POU2F1: variants seen among roughly 807,000 people sequenced by gnomAD.
The protein encoded by POU2F1 is POU domain, class 2, transcription factor 1.
POU2F1 carries 16 observed loss-of-function variants against 84.9 expected under a neutral mutation model. The ratio of observed to expected loss-of-function variants is 0.19; its 90% CI spans 0.13 to 0.29. The LOEUF is 0.29. POU2F1 is among the 10% of genes least tolerant of loss of function. POU2F1 has a pLI of 1.00. For synonymous variants in POU2F1, 368 were observed against 368.3 expected, an observed-to-expected ratio of 1.00 and a Z score of 0.01; for missense variants, 738 against 942.6, an observed-to-expected ratio of 0.78 and a Z score of 2.84.
At chr1:167,391,559 CTT>C (rs1175783404) in intron 9 of POU2F1, among the ~76,000 whole-genome samples, 698 of 57,784 alleles carry the variant, frequency 0.012, 2 homozygotes, top group African/African-American at 0.047. Context: ...TTATATATAT[CTT>C]TTTTTTTTTT....
intron 7 of POU2F1, among the ~76,000 whole-genome samples, chr1:167,382,763 G>A (rs1044550067): frequency 1.3e-5 from 2 of 151,856 alleles, no homozygotes; most frequent in African/African-American, 2.4e-5. Context: ...CAAAAGTCAG[G>A]GTTCTTTAGA....
intron 10 of POU2F1, 52 bp downstream of exon 10, chr1:167,396,479 G>A (rs139358305): frequency 8.1e-5 from 126 of 1,555,696 alleles, no homozygotes; most frequent in Non-Finnish European, 9.4e-5. Context: ...TTTTACATGG[G>A]GATTGTTATA....
At chr1:167,407,622 A>G (rs1649672591) in intron 13 of POU2F1, among the ~76,000 whole-genome samples, 1 of 152,234 alleles carries the variant, frequency 6.6e-6, no homozygotes, top group Non-Finnish European at 1.5e-5. Flanking sequence ...GATTTTTGAC[A>G]GAGGTGCCAA....
chr1:167,318,153 T>C (rs184737180), intron 1 of POU2F1, among the ~76,000 whole-genome samples: 3 of 152,302 alleles, frequency 2.0e-5, no homozygotes, highest in Middle Eastern at 3.4e-3. Context: ...TTGTAGAGTG[T>C]CCTTCTAGAT....
intron 9 of POU2F1, among the ~76,000 whole-genome samples, chr1:167,394,450 T>C (rs1648659572): frequency 6.6e-6 from 1 of 152,242 alleles, no homozygotes; most frequent in South Asian, 2.1e-4. Context: ...CTGATTCTGA[T>C]TCTTGCAGTT....
intron 1 of POU2F1, among the ~76,000 whole-genome samples, chr1:167,297,709 A>C (rs1654382197): frequency 6.6e-6 from 1 of 152,222 alleles, no homozygotes; most frequent in Non-Finnish European, 1.5e-5. Context: ...ACCAGCATGT[A>C]CTACTACTAT....
rs1438974579 is a variant in POU2F1, at chr1:167,365,468, C to T, written c.129C>T (p.Gly43=). ...PSMESGDGNT[G]TQTNGLDFQK... is the part of the protein sequence containing the mutation. ...GAAATTATTTTGCTTGCTTTCTAGG[C>T]ACACAAACCAATGGTCTGGACTTTC... Residue 43 remains glycine, a splice_region_variant and synonymous_variant, in exon 3 of 16, where the codon GGC becomes GGT. Transcript: ENST00000367866. 7 of 1,569,840 alleles carry T rather than the reference C, an allele frequency of 4.5e-6. No individual in the cohort carries two copies. Among genetic ancestry groups the T allele is most frequent in the Non-Finnish European group, 5.2e-6 (6 of 1,159,958 alleles).
At chr1:167,318,997 T>TA (rs1656121385) in intron 1 of POU2F1, 1 of 153,614 alleles carries the variant, frequency 6.5e-6, no homozygotes, top group African/African-American at 2.4e-5. Flanking sequence ...TGTGACTGGT[T>TA]GTCCTGCTTT....
intron 2 of POU2F1, among the ~76,000 whole-genome samples, chr1:167,356,577 C>T (rs965918326): frequency 1.3e-5 from 2 of 151,994 alleles, no homozygotes; most frequent in Non-Finnish European, 2.9e-5. Flanking sequence ...GAGTCACTGG[C>T]GGCAAATATA....
intron 2 of POU2F1, among the ~76,000 whole-genome samples, chr1:167,361,370 G>GT (rs1659340808): frequency 6.6e-6 from 1 of 152,120 alleles, no homozygotes; most frequent in Non-Finnish European, 1.5e-5. Flanking sequence ...TTTATTAGGA[G>GT]TTTTTATTAT....
intron 1 of POU2F1, among the ~76,000 whole-genome samples, chr1:167,260,089 AG>A (rs1651443108): frequency 6.6e-6 from 1 of 152,168 alleles, no homozygotes; most frequent in African/African-American, 2.4e-5. Context: ...TGTGTTAGCC[AG>A]GATGGTCTCG....
intron 13 of POU2F1, among the ~76,000 whole-genome samples, chr1:167,404,315 T>C (rs1649406801): frequency 6.6e-6 from 1 of 152,182 alleles, no homozygotes; most frequent in South Asian, 2.1e-4. Context: ...TTACTTATTA[T>C]CAGTAGCCTG....
chr1:167,321,740 C>T (rs1391554510), intron 1 of POU2F1, among the ~76,000 whole-genome samples: 1 of 152,154 alleles, frequency 6.6e-6, no homozygotes, highest in Admixed American at 6.5e-5. Context: ...TAAACCTTGG[C>T]AGGAACTTTG....
At chr1:167,366,045 A>G (rs1463172169) in intron 3 of POU2F1, among the ~76,000 whole-genome samples, 1 of 152,164 alleles carries the variant, frequency 6.6e-6, no homozygotes, top group African/African-American at 2.4e-5. Context: ...TTGAGGTTCA[A>G]AAGACTCTGC....
chr1:167,314,211 AAAC>A (rs1300709488), intron 1 of POU2F1, among the ~76,000 whole-genome samples: 2 of 149,514 alleles, frequency 1.3e-5, no homozygotes, highest in Non-Finnish European at 1.5e-5. Context: ...AAAAAAAAAA[AAAC>A]AAAACTTCAA....
intron 1 of POU2F1, among the ~76,000 whole-genome samples, chr1:167,261,027 A>G (rs942182888): frequency 6.6e-6 from 1 of 152,206 alleles, no homozygotes; most frequent in Non-Finnish European, 1.5e-5. Flanking sequence ...AGCTAGCTTC[A>G]GGGTCTCAAC....
At chr1:167,302,406 A>G (rs576434207) in intron 1 of POU2F1, among the ~76,000 whole-genome samples, 39 of 151,956 alleles carry the variant, frequency 2.6e-4, no homozygotes, top group African/African-American at 8.5e-4. Context: ...GATTACAGGC[A>G]TGCATCACCA....
At chr1:167,314,429 T>A (rs1024346478) in intron 1 of POU2F1, among the ~76,000 whole-genome samples, 34 of 152,162 alleles carry the variant, frequency 2.2e-4, no homozygotes, top group African/African-American at 8.2e-4. Context: ...CTCACATTGT[T>A]TGTGGGAATG....
chr1:167,222,041 C>G (rs1406794642), intron 1 of POU2F1, among the ~76,000 whole-genome samples: 5 of 152,158 alleles, frequency 3.3e-5, no homozygotes, highest in Admixed American at 3.3e-4. Context: ...CCCCCCACCC[C>G]CTGCGCCTGA....
Sources: gnomAD v4.1 joint callset for allele counts (sites outside exome capture counted in the v4.1 genomes callset) on GRCh38, gnomAD v4.1.1 for gene constraint, MANE v1.5 for transcripts, NCBI Gene and HGNC (gene_info 2026-07-23, HGNC 2026-07-21) for gene names.